The following GOSR2 variants were observed in gnomAD, a reference collection of about 807,000 sequenced individuals.
GOSR2 encodes 27 kDa Golgi SNARE protein.
GOSR2 carries 20 observed loss-of-function variants against 27.9 expected under a neutral mutation model. That is an observed-to-expected ratio of 0.72 (90% confidence interval 0.50 to 1.04). The LOEUF (loss-of-function observed/expected upper bound fraction) is 1.04. Ranked by LOEUF, GOSR2 falls within the 50% of genes least tolerant of loss-of-function variation. The probability of loss-of-function intolerance (pLI) is 0.00; values close to 1 mark genes in which losing one functional copy is unlikely to be tolerated. For synonymous variants in GOSR2, 91 were observed against 98.8 expected (o/e 0.92, Z 0.47); for missense variants, 261 against 270.5 (o/e 0.97, Z 0.25).
intron 2 of GOSR2, chr17:46,930,841 T>C (rs567205758): frequency 7.2e-6 from 3 of 415,540 alleles, no homozygotes; most frequent in Non-Finnish European, 1.3e-5. Flanking sequence ...GAAATTTATT[T>C]CTACAGATTT....
chr17:46,931,149 G>A lies in GOSR2; in HGVS notation c.145G>A (p.Glu49Lys). The change falls in exon 3 of 6, where the codon GAA becomes AAA. Residue 49 changes from glutamate to lysine, a missense_variant. Transcript: ENST00000640051. ...CATAGACCAGATATTCAGCCGTCTA[G>A]AACGTCTGGAGATTTTGTCCAGCAA... ...ASIDQIFSRL[E>K]RLEILSSKEP... The A allele has an allele frequency of 6.2e-7, 1 of 1,611,942 alleles. No individual in the cohort carries two copies. Among genetic ancestry groups the A allele is most frequent in the Non-Finnish European group, 8.5e-7 (1 of 1,178,036 alleles).
At chr17:46,962,943 AC>A (rs1369191720) in intron 6 of GOSR2, among the ~76,000 whole-genome samples, 1 of 152,204 alleles carries the variant, frequency 6.6e-6, no homozygotes, top group African/African-American at 2.4e-5. Context: ...ATCCTTTCAA[AC>A]ATACTTAGAG....
intron 6 of GOSR2, among the ~76,000 whole-genome samples, chr17:46,972,626 C>G (rs1198917670): frequency 6.6e-6 from 1 of 152,222 alleles, no homozygotes; most frequent in Non-Finnish European, 1.5e-5. Flanking sequence ...GTTCCATGTC[C>G]CGGGCTTTCT....
At chr17:46,932,493 G>A (rs1249619328) in intron 4 of GOSR2, 5 of 592,398 alleles carry the variant, frequency 8.4e-6, no homozygotes, top group Non-Finnish European at 1.5e-5. Flanking sequence ...TTCACATGGT[G>A]GAAACGTTTT....
intron 1 of GOSR2, among the ~76,000 whole-genome samples, chr17:46,924,043 T>C (rs181571382): frequency 3.9e-5 from 6 of 152,360 alleles, no homozygotes; most frequent in Admixed American, 1.3e-4. Flanking sequence ...TGACATTGAG[T>C]ACATTCACAA....
chr17:46,941,898 C>G lies in GOSR2; in HGVS notation c.*3138C>G. 1 of 983,794 alleles carries G rather than the reference C, an allele frequency of 1.0e-6. No homozygotes were observed. Among genetic ancestry groups the G allele is most frequent in the Non-Finnish European group, 1.2e-6 (1 of 828,508 alleles). 60.9% of individuals were successfully genotyped at this position (983,794 alleles called of 1,614,324 possible). ...ACTGTACCTGGCCTCTAAGGTGATT[C>G]TGATGTGTGTATTTTGGAACCACTG... On this transcript the variant is annotated 3_prime_UTR_variant, in exon 6 of 6. Coordinates refer to ENST00000640051, the MANE Select transcript of GOSR2 (RefSeq NM_004287.5).
In GOSR2 at chr17:46,935,385, A is replaced by G. The variant is rs1476387718; in HGVS notation, c.477+216A>G. On this transcript the variant is annotated intron_variant, in intron 5 of 5. Transcript: ENST00000640051. Reference sequence around the variant, plus strand: ...TGCCAGTGCTTGAAACAAACCATGAAGTGGCCTCTCTTAGGATCCAGGTCT... The same window carrying G: ...TGCCAGTGCTTGAAACAAACCATGAGGTGGCCTCTCTTAGGATCCAGGTCT... The G allele has an allele frequency of 5.6e-6, 8 of 1,440,100 alleles. No homozygotes were observed. In the African/African-American group the frequency reaches 1.1e-4, roughly 21 times the overall value. 89.2% of individuals were successfully genotyped at this position (1,440,100 alleles called of 1,614,324 possible).
chr17:46,951,501 G>A (rs1020564264), intron 6 of GOSR2, among the ~76,000 whole-genome samples: 5 of 152,186 alleles, frequency 3.3e-5, no homozygotes, highest in Non-Finnish European at 7.4e-5. Context: ...AGAGCCTCCT[G>A]GGAGGTGCCT....
intron 6 of GOSR2, among the ~76,000 whole-genome samples, chr17:46,960,419 A>G (rs566397313): frequency 9.9e-5 from 15 of 152,218 alleles, no homozygotes; most frequent in African/African-American, 3.6e-4. Flanking sequence ...GCAAAATGGA[A>G]CAGCCACTAT....
chr17:46,966,464 C>A, intron 6 of GOSR2: 1 of 627,750 alleles, frequency 1.6e-6, no homozygotes, highest in Non-Finnish European at 2.9e-6. Context: ...CCTCCCATCT[C>A]AGCCTCCAGG....
downstream of GOSR2, among the ~76,000 whole-genome samples, chr17:46,975,830 C>T (rs555491775): frequency 2.1e-4 from 32 of 152,166 alleles, no homozygotes; most frequent in Middle Eastern, 3.4e-3. Flanking sequence ...TCCTTTTCAG[C>T]AAATTCAGAA....
chr17:46,945,667 C>T (rs1041128602), downstream of GOSR2, among the ~76,000 whole-genome samples: 4 of 152,168 alleles, frequency 2.6e-5, no homozygotes, highest in Non-Finnish European at 5.9e-5. Flanking sequence ...CACATTCTTT[C>T]AACCAAGACC....
chr17:46,943,897 C>T (rs1028624156), downstream of GOSR2, among the ~76,000 whole-genome samples: 19 of 152,172 alleles, frequency 1.2e-4, no homozygotes, highest in South Asian at 2.1e-4. Context: ...TGAATCCTGG[C>T]GATCCCTCGG....
chr17:46,960,417 G>A (rs1166933862), intron 6 of GOSR2, among the ~76,000 whole-genome samples: 1 of 152,142 alleles, frequency 6.6e-6, no homozygotes, highest in African/African-American at 2.4e-5. Context: ...ATGCAAAATG[G>A]AACAGCCACT....
rs139145271 is a variant in GOSR2, at chr17:46,948,703, C to A, written c.583+9999C>A. 13 of 152,366 alleles carry A rather than the reference C, an allele frequency of 8.5e-5. No individual in the cohort carries two copies. In the East Asian group the frequency reaches 2.5e-3, roughly 29 times the overall value. 9.4% of individuals were successfully genotyped at this position (152,366 alleles called of 1,614,324 possible). The stretch of plus-strand genomic sequence containing the variant: ...AAGGGCCAGAAATCCCAGGATCTTA[C>A]TGCTGGGGTTAGATACTGATCTAAG... On this transcript the variant is annotated intron_variant, in intron 6 of 6. Transcript: ENST00000573224.
chr17:46,931,934 G>A, intron 3 of GOSR2, 133 bp from the exon 4 acceptor site: 1 of 786,294 alleles, frequency 1.3e-6, no homozygotes, highest in East Asian at 2.4e-5. Context: ...AGATCTTGTG[G>A]TGAGGGGGTA....
At chr17:46,946,587 G>A (rs567352126), downstream of GOSR2, among the ~76,000 whole-genome samples, 76 of 152,128 alleles carry the variant, frequency 5.0e-4, 1 homozygote, top group African/African-American at 1.7e-3. Flanking sequence ...GAGAGGCCAG[G>A]CATGGTGGCT....
At chr17:46,957,919 T>C (rs374738726) in intron 6 of GOSR2, among the ~76,000 whole-genome samples, 61 of 152,240 alleles carry the variant, frequency 4.0e-4, no homozygotes, top group African/African-American at 1.4e-3. Context: ...CAGGGATCAG[T>C]GTGCCTAGCA....
chr17:46,947,704 A>G (rs1380995298), intron 6 of GOSR2, among the ~76,000 whole-genome samples: 1 of 152,226 alleles, frequency 6.6e-6, no homozygotes, highest in African/African-American at 2.4e-5. Context: ...TAGTGAGAAT[A>G]ATAATAACTA....
Sources: allele counts gnomAD v4.1 joint callset (sites outside exome capture counted in the v4.1 genomes callset), GRCh38; gene constraint gnomAD v4.1.1; transcripts MANE v1.5; gene names NCBI Gene and HGNC (gene_info 2026-07-23, HGNC 2026-07-21).